Variants in HK1 observed in about 807,000 individuals in gnomAD.
HK1 encodes hexokinase 1, also known as hexokinase-1.
Under a neutral mutation model 91.6 loss-of-function variants are expected in HK1, and 28 were observed. That is an observed-to-expected ratio of 0.31 (90% CI 0.23 to 0.42). The LOEUF is 0.42. Ranked by LOEUF, HK1 falls within the 10% of genes least tolerant of loss-of-function variation. The probability of loss-of-function intolerance (pLI) is 1.00; values close to 1 mark genes in which losing one functional copy is unlikely to be tolerated. For synonymous variants in HK1, 430 were observed against 468.1 expected, an observed-to-expected ratio of 0.92 and a Z score of 1.05; for missense variants, 770 against 1,219.8, an observed-to-expected ratio of 0.63 and a Z score of 5.49.
At chr10:69,326,086 G>A (rs1252754471) in intron 1 of HK1, among the ~76,000 whole-genome samples, 11 of 150,904 alleles carry the variant, frequency 7.3e-5, no homozygotes, top group Non-Finnish European at 1.3e-4. Context: ...CACCCGCCTC[G>A]GCCTCCCAAA....
intron 3 of HK1, among the ~76,000 whole-genome samples, chr10:69,291,683 A>G (rs1276327855): frequency 6.6e-6 from 1 of 152,140 alleles, no homozygotes; most frequent in African/African-American, 2.4e-5. Flanking sequence ...CTCCAACCCT[A>G]TCTTCCTAAG....
intron 1 of HK1, 63 bp downstream of exon 1, chr10:69,319,073 C>G: frequency 3.9e-6 from 6 of 1,538,724 alleles, no homozygotes; most frequent in Non-Finnish European, 3.5e-6. Flanking sequence ...CATCCGCTCG[C>G]CGCCTCCGCT....
At chr10:69,328,941 C>T (rs1847539103) in intron 1 of HK1, among the ~76,000 whole-genome samples, 1 of 151,932 alleles carries the variant, frequency 6.6e-6, no homozygotes, top group Non-Finnish European at 1.5e-5. Flanking sequence ...TTTTATTTAG[C>T]ATAATGTCTT....
intron 5 of HK1, among the ~76,000 whole-genome samples, chr10:69,301,130 C>T (rs1845843738): frequency 6.6e-6 from 1 of 151,114 alleles, no homozygotes; most frequent in Non-Finnish European, 1.5e-5. Flanking sequence ...CCTGTAATCC[C>T]AGCTACTCGG....
intron 3 of HK1, 30 bp from the exon 4 acceptor site, chr10:69,364,753 G>T: frequency 1.9e-6 from 3 of 1,614,010 alleles, no homozygotes; most frequent in Non-Finnish European, 2.5e-6. Context: ...CTGCTTTGGG[G>T]CCCCCTGACT....
At chr10:69,398,347 T>C (rs895736487) in intron 16 of HK1, among the ~76,000 whole-genome samples, 3 of 152,232 alleles carry the variant, frequency 2.0e-5, no homozygotes, top group Non-Finnish European at 4.4e-5. Flanking sequence ...AAAAATAAAC[T>C]GGAAGGAAAT....
At chr10:69,323,893 T>C (rs1019555380) in intron 1 of HK1, among the ~76,000 whole-genome samples, 8 of 152,190 alleles carry the variant, frequency 5.3e-5, no homozygotes, top group African/African-American at 1.7e-4. Flanking sequence ...CAGTCAGGGA[T>C]TCCTGGCAGA....
rs1839311993 is a variant in HK1, at chr10:69,380,062, G to C, written c.1232G>C (p.Gly411Ala). Residue 411 changes from glycine to alanine, a missense_variant, in exon 9 of 18, where the codon GGT becomes GCT. Physicochemically the swap from Gly to Ala is moderately conservative, Grantham distance 60 (BLOSUM62 0). Coordinates refer to ENST00000359426, the MANE Select transcript of HK1 (RefSeq NM_000188.3). This position sits in a 1 kb window ranked among gnomAD's most constrained non-coding sequence, Gnocchi z 4.0. ...ACACCCAGGCTGCGGACCACGGTTG[G>C]TGTCGACGGATCTCTTTACAAGACG... is the stretch of plus-strand genomic sequence containing the variant. ...KGTPRLRTTV[G>A]VDGSLYKTHP... The C allele has an allele frequency of 6.2e-7, 1 of 1,614,070 alleles. No individual in the cohort carries two copies. The highest frequency in any genetic ancestry group is 8.5e-7 in the Non-Finnish European group (1 of 1,179,944).
At chr10:69,344,169 A>C (rs532916148) in intron 2 of HK1, among the ~76,000 whole-genome samples, 180 bp downstream of exon 2, 3 of 152,174 alleles carry the variant, frequency 2.0e-5, no homozygotes, top group Admixed American at 2.0e-4. Context: ...CCATCCATCC[A>C]TCCGCTGATC....
intron 1 of HK1, among the ~76,000 whole-genome samples, chr10:69,341,959 C>T (rs1848313300): frequency 6.6e-6 from 1 of 151,896 alleles, no homozygotes. Flanking sequence ...ACCAGCCTGG[C>T]CAACATGGTG....
chr10:69,395,232 G>C (rs185428560), intron 16 of HK1, 127 bp downstream of exon 16: 1 of 790,922 alleles, frequency 1.3e-6, no homozygotes, highest in East Asian at 2.7e-5. Context: ...TTTTCCTCTG[G>C]AATAGCAGAC....
intron 14 of HK1, 45 bp downstream of exon 14, chr10:69,389,341 G>T: frequency 7.0e-7 from 1 of 1,431,576 alleles, no homozygotes; most frequent in East Asian, 2.4e-5. Flanking sequence ...GGGAAGGCTG[G>T]GGTTTCCCCG....
intron 2 of HK1, among the ~76,000 whole-genome samples, chr10:69,347,133 C>A (rs545368883): frequency 1.3e-5 from 2 of 151,870 alleles, no homozygotes; most frequent in African/African-American, 2.4e-5. Context: ...CTTAGCACCC[C>A]CTACGTAGCT....
upstream of HK1, among the ~76,000 whole-genome samples, chr10:69,318,503 C>T (rs1006651563): frequency 2.6e-5 from 4 of 152,216 alleles, no homozygotes; most frequent in African/African-American, 9.6e-5. Flanking sequence ...GCCTGCGCCT[C>T]GCACCTCCCC....
Position 69,401,270 on chromosome 10 carries a change from C to A in HK1, c.*135C>A. The A allele has an allele frequency of 1.1e-6, 1 of 913,594 alleles. No individual in the cohort carries two copies. Among genetic ancestry groups the A allele is most frequent in the Non-Finnish European group, 1.7e-6 (1 of 582,872 alleles). 56.6% of individuals were successfully genotyped at this position (913,594 alleles called of 1,614,324 possible). On this transcript the variant is annotated 3_prime_UTR_variant, in exon 18 of 18. Coordinates refer to ENST00000359426, the MANE Select transcript of HK1 (RefSeq NM_000188.3). ...GCGCGGGGAGGAAAGCAAAATCCAA[C>A]TAATGGTATATATTGTAGGGTACAG...
In HK1 at chr10:69,398,698, T is replaced by G; in HGVS notation, c.2479T>G (p.Ser827Ala). 6.2e-7 allele frequency: 1 copy of G among 1,614,152 alleles called. No individual in the cohort carries two copies. Among genetic ancestry groups the G allele is most frequent in the Non-Finnish European group, 8.5e-7 (1 of 1,180,012 alleles). The change falls in exon 17 of 18, where the codon TCC becomes GCC. Residue 827 changes from serine (S) to alanine (A), a missense_variant. Physicochemically the swap from Ser to Ala is moderately conservative, Grantham distance 99. Transcript: ENST00000359426. ...CGTCAAGACAGTGTGCGGGGTGGTG[T>G]CCAGGAGGGCCGCACAGCTGTGTGG... ...ILVKTVCGVVSRRAAQLCGAG... is the reference protein window; with the variant it reads ...ILVKTVCGVVARRAAQLCGAG...
At chr10:69,325,111 G>A (rs1847262108) in intron 1 of HK1, among the ~76,000 whole-genome samples, 1 of 143,788 alleles carries the variant, frequency 7.0e-6, no homozygotes, top group Non-Finnish European at 1.5e-5. Flanking sequence ...GAGTGCAGTG[G>A]CACGATCTCA....
chr10:69,370,431 T>A (rs1849938853), intron 7 of HK1, among the ~76,000 whole-genome samples: 1 of 152,176 alleles, frequency 6.6e-6, no homozygotes, highest in African/African-American at 2.4e-5. Flanking sequence ...TTAGTGTAAA[T>A]GTAAGGTTTA....
intron 1 of HK1, among the ~76,000 whole-genome samples, chr10:69,330,775 C>A (rs576373000): frequency 5.3e-5 from 8 of 152,296 alleles, no homozygotes; most frequent in African/African-American, 1.9e-4. Context: ...CAGTTTATCA[C>A]TATTAGATCA....
Sources: gnomAD v4.1 joint callset for allele counts (sites outside exome capture counted in the v4.1 genomes callset) on GRCh38, gnomAD v4.1.1 for gene constraint, Gnocchi (gnomAD v3.1) non-coding constraint, MANE v1.5 for transcripts, NCBI Gene and HGNC (gene_info 2026-07-23, HGNC 2026-07-21) for gene names.